The following SUN5 variants were observed in gnomAD, a reference collection of about 807,000 sequenced individuals.
SUN5 encodes SUN domain-containing protein 5.
A neutral mutation model predicts 53.7 loss-of-function variants in SUN5; 44 were observed. The ratio of observed to expected loss-of-function variants is 0.82; its 90% CI spans 0.64 to 1.05. The LOEUF (loss-of-function observed/expected upper bound fraction) is 1.05, where lower values mean the gene tolerates loss of function less well. Ranked by LOEUF, SUN5 falls within the 50% of genes least tolerant of loss-of-function variation. The pLI, the probability that SUN5 is intolerant of heterozygous loss-of-function variation, is 0.00. For synonymous variants in SUN5, 166 were observed against 179.8 expected, an observed-to-expected ratio of 0.92 and a Z score of 0.62; for missense variants, 433 against 483.8, an observed-to-expected ratio of 0.90 and a Z score of 0.98.
chr20:32,992,288 T>C (rs139823865), intron 8 of SUN5, among the ~76,000 whole-genome samples: 86 of 152,310 alleles, frequency 5.6e-4, no homozygotes, highest in Non-Finnish European at 7.6e-4. Context: ...TAATCCCCAA[T>C]TGAGAACCAC....
intron 6 of SUN5, among the ~76,000 whole-genome samples, chr20:32,996,598 A>T (rs904703015): frequency 3.5e-5 from 1 of 28,196 alleles, no homozygotes; most frequent in Non-Finnish European, 7.4e-5. Flanking sequence ...CCTTATACCC[A>T]CCCACCCTCC....
intron 5 of SUN5, 70 bp downstream of exon 5, chr20:33,000,004 A>G: frequency 6.4e-7 from 1 of 1,571,878 alleles, no homozygotes; most frequent in Non-Finnish European, 8.6e-7. Flanking sequence ...TGTCTTGCCC[A>G]GTGTCCTATA....
chr20:32,986,270 C>T (rs954308949), intron 10 of SUN5, among the ~76,000 whole-genome samples: 22 of 152,188 alleles, frequency 1.4e-4, no homozygotes, highest in Admixed American at 4.6e-4. Context: ...TCACTATCCC[C>T]GTTTTGAAGG....
At chr20:32,985,934 C>T in intron 10 of SUN5, 31 bp from the exon 11 acceptor site, 2 of 1,602,208 alleles carry the variant, frequency 1.2e-6, no homozygotes, top group South Asian at 1.1e-5. Flanking sequence ...AAGGGATATG[C>T]TGGGTGGGTA....
chr20:32,995,337 T>C (rs927748594), intron 8 of SUN5, among the ~76,000 whole-genome samples: 14 of 152,230 alleles, frequency 9.2e-5, no homozygotes, highest in African/African-American at 3.1e-4. Context: ...GTATAAACTA[T>C]AATAGAGTGG....
chr20:32,997,407 A>G (rs993862532), intron 6 of SUN5, among the ~76,000 whole-genome samples: 1 of 152,200 alleles, frequency 6.6e-6, no homozygotes, highest in African/African-American at 2.4e-5. Flanking sequence ...GAGTCAATAC[A>G]GGAGAGCCAT....
intron 5 of SUN5, among the ~76,000 whole-genome samples, chr20:32,998,535 C>T (rs760610486): frequency 6.6e-5 from 10 of 152,214 alleles, no homozygotes; most frequent in South Asian, 2.1e-4. Flanking sequence ...AAACCCTCAA[C>T]GAACTAGGAA....
chr20:32,997,487 TG>T (rs1989883740), intron 6 of SUN5, 150 bp downstream of exon 6: 1 of 712,700 alleles, frequency 1.4e-6, no homozygotes, highest in Non-Finnish European at 2.3e-6. Context: ...TCTAGGTGGA[TG>T]GTACGATGAA....
At chr20:32,990,029 G>A (rs536410086) in intron 8 of SUN5, among the ~76,000 whole-genome samples, 1 of 152,068 alleles carries the variant, frequency 6.6e-6, no homozygotes, top group African/African-American at 2.4e-5. Flanking sequence ...TCTGAGTCTC[G>A]ATATTCTCAC....
intron 4 of SUN5, 59 bp from the exon 5 acceptor site, chr20:33,000,194 C>A: frequency 2.0e-6 from 3 of 1,536,058 alleles, no homozygotes; most frequent in Non-Finnish European, 2.6e-6. Context: ...AAGTGTTCAC[C>A]CTCCTCCTCG....
intron 1 of SUN5, among the ~76,000 whole-genome samples, chr20:33,003,135 G>T (rs1321445456): frequency 6.6e-6 from 1 of 152,166 alleles, no homozygotes; most frequent in Non-Finnish European, 1.5e-5. Flanking sequence ...GTCACAGGCG[G>T]TTGTCGCCAT....
chr20:32,984,792 C>G (rs1214621497), intron 12 of SUN5, among the ~76,000 whole-genome samples: 2 of 152,240 alleles, frequency 1.3e-5, no homozygotes, highest in African/African-American at 4.8e-5. Flanking sequence ...TTGGAGCCAG[C>G]AGCCCCTGCC....
chr20:32,989,496 G>C, intron 9 of SUN5, 124 bp downstream of exon 9: 3 of 536,520 alleles, frequency 5.6e-6, no homozygotes, highest in South Asian at 5.5e-5. Flanking sequence ...AAGAAAACCA[G>C]CTTGGAACAG....
chr20:32,993,705 TTCTC>T (rs949526368), intron 8 of SUN5, among the ~76,000 whole-genome samples: 7 of 152,208 alleles, frequency 4.6e-5, no homozygotes, highest in African/African-American at 1.4e-4. Flanking sequence ...AGAACAGTGA[TTCTC>T]TCTGGTATAT....
Position 33,000,823 on chromosome 20 carries a change from C to T in SUN5, c.278+389G>A, listed in dbSNP as rs190627560. On this transcript the variant is annotated intron_variant, in intron 4 of 12. Coordinates refer to ENST00000356173, the MANE Select transcript of SUN5 (RefSeq NM_080675.4). ...TGGCACCACCGCACTCCAGCCCTGG[C>T]GGTAGAGTGAAACCCTGTCTAAAAA... Among the ~76,000 whole-genome samples, 279 of 142,506 alleles carry T rather than the reference C, an allele frequency of 2.0e-3. 3 individuals are homozygous for T. The highest frequency in any genetic ancestry group is 6.9e-3 in the African/African-American group (266 of 38,482). 93.5% of individuals were successfully genotyped at this position (142,506 alleles called of 152,430 possible).
At position 32,988,082 on chromosome 20, in the gene SUN5, T is replaced by TA. The variant is rs763171141; in HGVS notation, c.614-308dup. Reference sequence around the variant, plus strand: ...AAGCAATTCTCATGGTGGCTATTATTAGCAGAGCCATGGTGGTGGCAACGG... The same window carrying TA: ...AAGCAATTCTCATGGTGGCTATTATTAAGCAGAGCCATGGTGGTGGCAACGG... On this transcript the variant is annotated intron_variant, in intron 9 of 12. Coordinates refer to ENST00000356173, the MANE Select transcript of SUN5 (RefSeq NM_080675.4). 2.8e-4 allele frequency among the ~76,000 whole-genome samples: 42 copies of TA among 152,138 alleles called. 1 individual carries two copies. The highest frequency in any genetic ancestry group is 4.9e-4 in the Non-Finnish European group (33 of 67,966).
intron 12 of SUN5, among the ~76,000 whole-genome samples, chr20:32,984,307 A>G (rs1179796908): frequency 6.6e-6 from 1 of 151,940 alleles, no homozygotes; most frequent in Non-Finnish European, 1.5e-5. Context: ...ATGAAATGAG[A>G]TTTTGGGAAC....
At chr20:33,000,324 C>A (rs539411235) in intron 4 of SUN5, among the ~76,000 whole-genome samples, 189 bp from the exon 5 acceptor site, 1 of 152,348 alleles carries the variant, frequency 6.6e-6, no homozygotes, top group Non-Finnish European at 1.5e-5. Context: ...AGGCAATGCT[C>A]CCAACCCTGT....
intron 7 of SUN5, 91 bp from the exon 8 acceptor site, chr20:32,995,818 G>A (rs1989833053): frequency 8.4e-7 from 1 of 1,196,600 alleles, no homozygotes; most frequent in South Asian, 1.3e-5. Context: ...GGCTCTCAAA[G>A]AATGAGTTTC....
Sources: gnomAD v4.1 joint callset for allele counts (sites outside exome capture counted in the v4.1 genomes callset) on GRCh38, gnomAD v4.1.1 for gene constraint, MANE v1.5 for transcripts, NCBI Gene and HGNC (gene_info 2026-07-23, HGNC 2026-07-21) for gene names.